The following KIF1B variants were observed in gnomAD, a reference collection of about 807,000 sequenced individuals.
The protein encoded by KIF1B is kinesin family member 1B.
KIF1B carries 76 observed loss-of-function variants against 241.9 expected under a neutral mutation model. That is an observed-to-expected ratio of 0.31 (90% confidence interval 0.26 to 0.38). The LOEUF is 0.38. KIF1B is among the 10% of genes least tolerant of loss of function. The pLI is 1.00. For missense variants in KIF1B, 1,622 were observed against 2,271.4 expected (o/e 0.71, Z 5.81); for synonymous variants, 750 against 796.7 (o/e 0.94, Z 0.99).
At chr1:10,284,718 C>A (rs191360726) in intron 15 of KIF1B, among the ~76,000 whole-genome samples, 1 of 151,600 alleles carries the variant, frequency 6.6e-6, no homozygotes, top group African/African-American at 2.4e-5. Flanking sequence ...AAAAATTAGC[C>A]GGCCATGGTG....
intron 31 of KIF1B, among the ~76,000 whole-genome samples, chr1:10,339,259 C>G (rs1652299325): frequency 6.6e-6 from 1 of 152,006 alleles, no homozygotes; most frequent in Admixed American, 6.6e-5. Flanking sequence ...GAAATCATTG[C>G]TATTAAGGAA....
At position 10,303,067 on chromosome 1, in the gene KIF1B, G is replaced by A. The variant is rs1296753757; in HGVS notation, c.2115+5821G>A. Reference sequence around the variant, plus strand: ...TGGTCTTATTTTTAAATTTGGTTAAGGCTTTTTTGCTTGCTTTTTCTTCGA... The same window carrying A: ...TGGTCTTATTTTTAAATTTGGTTAAAGCTTTTTTGCTTGCTTTTTCTTCGA... On this transcript the variant is annotated intron_variant, in intron 22 of 48. Transcript: ENST00000676179. This position sits in a 1 kb window ranked among gnomAD's most constrained non-coding sequence, Gnocchi z 5.2. The A allele has an allele frequency of 2.1e-6, 3 of 1,433,628 alleles. No individual in the cohort carries two copies. Among genetic ancestry groups the A allele is most frequent in the East Asian group, 2.4e-5 (1 of 41,724 alleles). The allele number at this position is 1,433,628 out of a possible 1,614,324, so 88.8% of individuals were successfully genotyped here. A position where few individuals can be genotyped will look rare whatever the true frequency, so the allele number is the denominator to read the frequency against.
At chr1:10,343,410 TG>T (rs1652473082) in intron 34 of KIF1B, 123 bp downstream of exon 34, 1 of 913,294 alleles carries the variant, frequency 1.1e-6, no homozygotes. Flanking sequence ...CATGTATTCC[TG>T]CTCCTCTTGT....
At chr1:10,335,246 A>G (rs993630792) in intron 28 of KIF1B, among the ~76,000 whole-genome samples, 2 of 151,794 alleles carry the variant, frequency 1.3e-5, no homozygotes, top group Non-Finnish European at 2.9e-5. Flanking sequence ...GCACCCGGCC[A>G]GTCATTGGCC....
intron 22 of KIF1B, among the ~76,000 whole-genome samples, chr1:10,300,010 G>A (rs901967562): frequency 6.6e-6 from 1 of 152,022 alleles, no homozygotes; most frequent in East Asian, 1.9e-4. Context: ...GCCAGGGCTG[G>A]CAGATCACTT....
intron 2 of KIF1B, among the ~76,000 whole-genome samples, chr1:10,234,751 T>C (rs1647028477): frequency 6.6e-6 from 1 of 151,888 alleles, no homozygotes; most frequent in Non-Finnish European, 1.5e-5. Context: ...CTTGTATTCC[T>C]GGGCTCGAGT....
intron 2 of KIF1B, among the ~76,000 whole-genome samples, chr1:10,241,839 T>A (rs1247840490): frequency 6.6e-6 from 1 of 152,226 alleles, no homozygotes; most frequent in African/African-American, 2.4e-5. Flanking sequence ...GTGGTGGTGA[T>A]TGCTTTTGGT....
chr1:10,235,159 G>C (rs1413395047), intron 2 of KIF1B, among the ~76,000 whole-genome samples: 1 of 151,918 alleles, frequency 6.6e-6, no homozygotes, highest in Non-Finnish European at 1.5e-5. Flanking sequence ...CAAAGTGCTG[G>C]GATTACAGGC....
chr1:10,329,852 C>T (rs138853722), intron 27 of KIF1B, among the ~76,000 whole-genome samples: 9 of 152,224 alleles, frequency 5.9e-5, no homozygotes, highest in African/African-American at 2.2e-4. Context: ...TTTAGCTATT[C>T]TCTTATGGCA....
chr1:10,232,691 T>G (rs1443971363), intron 2 of KIF1B, among the ~76,000 whole-genome samples: 2 of 152,180 alleles, frequency 1.3e-5, no homozygotes, highest in African/African-American at 2.4e-5. Context: ...GCTTATTAAG[T>G]TGAAATTTTA....
At chr1:10,361,539 A>G (rs562890026) in intron 39 of KIF1B, among the ~76,000 whole-genome samples, 153 bp from the exon 40 acceptor site, 4 of 152,344 alleles carry the variant, frequency 2.6e-5, no homozygotes, top group African/African-American at 9.6e-5. Context: ...ACTCTTGCAC[A>G]TATTATCCAT....
rs562204941 is a variant in KIF1B at position 10,267,196 on chromosome 1, T to C, written c.430-184T>C. 3.3e-5 allele frequency among the ~76,000 whole-genome samples: 5 copies of C among 152,194 alleles called. No homozygotes were observed. In the East Asian group the frequency reaches 9.6e-4, roughly 29 times the overall value. On this transcript the variant is annotated intron_variant, in intron 5 of 48. Coordinates refer to ENST00000676179, the MANE Select transcript of KIF1B (RefSeq NM_001365951.3). ...ACCACGCCTGGCTCCTTTTTGTATT[T>C]TTGGTAGAGACGGGATTTCACCATG...
intron 2 of KIF1B, among the ~76,000 whole-genome samples, chr1:10,254,239 G>A (rs1026538675): frequency 3.9e-5 from 6 of 152,196 alleles, no homozygotes; most frequent in African/African-American, 1.4e-4. Flanking sequence ...CTTTTAATGT[G>A]GGTGGTGAGA....
rs1018198286 is a variant in KIF1B, at chr1:10,348,880, A to G, written c.3949+147A>G. ...AGCCTCAAACTCCTGGGCTCAAGCAATCCTCCTGCCTCAGGTTCCCGAGTA... is the reference window on the plus strand; with the variant it reads ...AGCCTCAAACTCCTGGGCTCAAGCAGTCCTCCTGCCTCAGGTTCCCGAGTA... On this transcript the variant is annotated intron_variant, in intron 37 of 48. Transcript: ENST00000676179. The G allele has an allele frequency of 4.4e-5, 31 of 701,230 alleles. 1 individual carries two copies. The highest frequency in any genetic ancestry group is 3.6e-4 in the South Asian group (24 of 66,038). 43.4% of individuals were successfully genotyped at this position (701,230 alleles called of 1,614,324 possible).
At chr1:10,308,955 A>G (rs542018911) in intron 22 of KIF1B, among the ~76,000 whole-genome samples, 11 of 152,316 alleles carry the variant, frequency 7.2e-5, no homozygotes, top group Non-Finnish European at 1.5e-4. Context: ...GTTCTTTTAA[A>G]TGAAATGATT....
intron 12 of KIF1B, among the ~76,000 whole-genome samples, 162 bp from the exon 13 acceptor site, chr1:10,277,824 T>G (rs1292317522): frequency 6.6e-5 from 10 of 152,244 alleles, no homozygotes; most frequent in Non-Finnish European, 1.5e-4. Context: ...AGCCTTTTTC[T>G]TCATCTTTAA....
Position 10,326,160 on chromosome 1 carries a change from C to T in KIF1B, c.2725C>T (p.Pro909Ser). The change falls in exon 27 of 49, where the codon CCC becomes TCC. Residue 909 changes from proline (P) to serine (S), a missense_variant. Transcript: ENST00000676179. The surrounding 1 kb of genome is among the most constrained non-coding windows in gnomAD (Gnocchi z 5.2). ...CVNERLADRT[P>S]SPTFSTADSD... ...GAACGAGCGCCTTGCCGACCGCACA[C>T]CCTCCCCCACTTTTTCCACGGCCGA... is the stretch of plus-strand genomic sequence containing the variant. The T allele has an allele frequency of 6.2e-7, 1 of 1,614,162 alleles. No individual in the cohort carries two copies. The highest frequency in any genetic ancestry group is 8.5e-7 in the Non-Finnish European group (1 of 1,180,024).
At chr1:10,245,995 A>T (rs116111598) in intron 2 of KIF1B, among the ~76,000 whole-genome samples, 2,843 of 152,188 alleles carry the variant, frequency 0.019, 40 homozygotes, top group Non-Finnish European at 0.028. Context: ...GAGACGCCCT[A>T]GATGATTTCT....
At chr1:10,371,077 A>G (rs1638719270) in intron 44 of KIF1B, 64 bp from the exon 45 acceptor site, 7 of 1,607,732 alleles carry the variant, frequency 4.4e-6, no homozygotes, top group African/African-American at 4.0e-5. Context: ...GAAACTCCCT[A>G]TTGTTACTGT....
Sources: gnomAD v4.1 joint callset for allele counts (sites outside exome capture counted in the v4.1 genomes callset) on GRCh38, gnomAD v4.1.1 for gene constraint, Gnocchi (gnomAD v3.1) non-coding constraint, MANE v1.5 for transcripts, NCBI Gene and HGNC (gene_info 2026-07-23, HGNC 2026-07-21) for gene names.